The following PRKG1 variants were observed in gnomAD, a reference collection of about 807,000 sequenced individuals.
The protein encoded by PRKG1 is cGMP-dependent protein kinase 1.
A neutral mutation model predicts 88.1 loss-of-function variants in PRKG1; 35 were observed. The observed-to-expected ratio is 0.40, with a 90% CI of 0.30 to 0.53. The LOEUF is 0.53. Among genes scored for constraint, PRKG1 ranks in the 20% least tolerant of loss-of-function variants. The pLI is 0.59. For missense variants in PRKG1, 540 were observed against 839.8 expected (o/e 0.64, Z 4.41); for synonymous variants, 303 against 292.5 (o/e 1.04, Z -0.37).
chr10:51,478,203 G>A (rs1840254515), intron 3 of PRKG1, among the ~76,000 whole-genome samples: 2 of 152,084 alleles, frequency 1.3e-5, no homozygotes, highest in Admixed American at 1.3e-4. Context: ...ATTACGAATA[G>A]ATGGCTATTG....
intron 4 of PRKG1, among the ~76,000 whole-genome samples, chr10:51,896,662 A>G (rs868540580): frequency 2.3e-3 from 345 of 150,752 alleles, no homozygotes; most frequent in African/African-American, 8.0e-3. Flanking sequence ...AAAAAAAAAA[A>G]AAAAAAAAGA....
chr10:51,345,095 C>CA (rs1490732328), intron 2 of PRKG1, among the ~76,000 whole-genome samples: 1 of 151,564 alleles, frequency 6.6e-6, no homozygotes, highest in South Asian at 2.1e-4. Flanking sequence ...AACCAGAGAA[C>CA]AAAAAAATGG....
At chr10:51,252,722 C>T (rs192911213) in intron 2 of PRKG1, among the ~76,000 whole-genome samples, 5 of 151,846 alleles carry the variant, frequency 3.3e-5, no homozygotes, top group African/African-American at 1.2e-4. Context: ...AACCTCTTAG[C>T]TGCTTTATAT....
chr10:52,036,043 G>A (rs1022052874), intron 5 of PRKG1, among the ~76,000 whole-genome samples: 10 of 152,152 alleles, frequency 6.6e-5, no homozygotes, highest in Admixed American at 4.6e-4. Flanking sequence ...GGGAGAGCAC[G>A]TGTGTTTTTA....
intron 4 of PRKG1, among the ~76,000 whole-genome samples, chr10:51,819,988 G>A (rs1007811386): frequency 2.0e-5 from 3 of 151,986 alleles, no homozygotes; most frequent in Admixed American, 1.3e-4. Flanking sequence ...GTTTCAAATA[G>A]CTTTTTTAAA....
chr10:51,935,259 A>C (rs1842777610), intron 5 of PRKG1, among the ~76,000 whole-genome samples: 1 of 152,154 alleles, frequency 6.6e-6, no homozygotes, highest in Non-Finnish European at 1.5e-5. Context: ...ATTGAACTTA[A>C]GAATCATTCA....
intron 5 of PRKG1, among the ~76,000 whole-genome samples, chr10:52,014,419 G>A (rs1025018139): frequency 5.9e-5 from 9 of 152,046 alleles, no homozygotes; most frequent in East Asian, 5.8e-4. Context: ...ACACCATGGC[G>A]GAAACAGCCT....
intron 3 of PRKG1, among the ~76,000 whole-genome samples, chr10:51,703,633 T>C (rs1353971934): frequency 6.6e-6 from 1 of 152,124 alleles, no homozygotes; most frequent in Non-Finnish European, 1.5e-5. Flanking sequence ...GCACTGACAA[T>C]ACAGCAGTGA....
chr10:51,522,059 T>G (rs1279720532), intron 3 of PRKG1, among the ~76,000 whole-genome samples: 1 of 152,194 alleles, frequency 6.6e-6, no homozygotes, highest in Non-Finnish European at 1.5e-5. Flanking sequence ...TATTTTCAGA[T>G]ATTCCTAGTT....
chr10:51,190,662 T>G (rs1837608438), intron 2 of PRKG1, among the ~76,000 whole-genome samples: 1 of 151,884 alleles, frequency 6.6e-6, no homozygotes, highest in Non-Finnish European at 1.5e-5. Flanking sequence ...TCTTCTGATT[T>G]TGATCTTGAT....
At chr10:51,244,768 G>A (rs145956575) in intron 2 of PRKG1, 35 of 151,382 alleles carry the variant, frequency 2.3e-4, no homozygotes, top group East Asian at 1.7e-3. Flanking sequence ...TAATTTTTCC[G>A]TTTTATAGCT....
intron 3 of PRKG1, among the ~76,000 whole-genome samples, chr10:51,484,574 GC>G (rs1460806595): frequency 6.6e-6 from 1 of 151,918 alleles, no homozygotes; most frequent in Non-Finnish European, 1.5e-5. Context: ...GCAGCGCCTG[GC>G]CCCCACATTT....
At chr10:51,506,050 G>A (rs1459222615) in intron 3 of PRKG1, among the ~76,000 whole-genome samples, 1 of 151,990 alleles carries the variant, frequency 6.6e-6, no homozygotes, top group East Asian at 1.9e-4. Flanking sequence ...AACAAGAAAT[G>A]GGGAAAGGAT....
chr10:51,595,164 T>C (rs1838412518), intron 3 of PRKG1, among the ~76,000 whole-genome samples: 1 of 152,072 alleles, frequency 6.6e-6, no homozygotes. Context: ...CTAGGCAACA[T>C]AGTGAGATCC....
At chr10:51,949,501 A>G (rs1218268860) in intron 5 of PRKG1, among the ~76,000 whole-genome samples, 1 of 151,828 alleles carries the variant, frequency 6.6e-6, no homozygotes, top group Non-Finnish European at 1.5e-5. Flanking sequence ...GATTGGTACA[A>G]TAGAGTAGAA....
At chr10:51,913,172 G>T (rs775221289) in intron 5 of PRKG1, among the ~76,000 whole-genome samples, 1 of 152,056 alleles carries the variant, frequency 6.6e-6, no homozygotes, top group Non-Finnish European at 1.5e-5. Flanking sequence ...CAGGTGATCC[G>T]CCCGCCTTGG....
chr10:51,685,146 C>T (rs141324320), intron 3 of PRKG1, among the ~76,000 whole-genome samples: 1 of 152,264 alleles, frequency 6.6e-6, no homozygotes, highest in African/African-American at 2.4e-5. Flanking sequence ...ACATTCAGCC[C>T]TCAGTGTGGA....
At chr10:51,640,427 T>G (rs1839769570) in intron 3 of PRKG1, among the ~76,000 whole-genome samples, 1 of 152,170 alleles carries the variant, frequency 6.6e-6, no homozygotes, top group South Asian at 2.1e-4. Context: ...TCTCCTTTCT[T>G]TTCTGACATG....
intron 7 of PRKG1, among the ~76,000 whole-genome samples, chr10:52,100,938 CTT>C (rs1847279653): frequency 6.6e-6 from 1 of 152,116 alleles, no homozygotes; most frequent in Non-Finnish European, 1.5e-5. Context: ...GGTGTTTCTG[CTT>C]TGTTGCCCAG....
Sources: gnomAD v4.1 joint callset for allele counts (sites outside exome capture counted in the v4.1 genomes callset) on GRCh38, gnomAD v4.1.1 for gene constraint, MANE v1.5 for transcripts, NCBI Gene and HGNC (gene_info 2026-07-23, HGNC 2026-07-21) for gene names.